Variants in MTHFD2L observed in about 807,000 individuals in gnomAD.
The protein encoded by MTHFD2L is bifunctional methylenetetrahydrofolate dehydrogenase/cyclohydrolase 2, mitochondrial.
MTHFD2L carries 29 observed loss-of-function variants against 34.9 expected under a neutral mutation model. The ratio of observed to expected loss-of-function variants is 0.83; its 90% CI spans 0.62 to 1.13. The LOEUF (loss-of-function observed/expected upper bound fraction) is 1.13, where lower values mean the gene tolerates loss of function less well. MTHFD2L is among the 50% of genes most tolerant of loss of function. The pLI is 0.00. For synonymous variants in MTHFD2L, 167 were observed against 155.7 expected, an observed-to-expected ratio of 1.07 and a Z score of -0.54; for missense variants, 481 against 446.5, an observed-to-expected ratio of 1.08 and a Z score of -0.70.
chr4:74,193,534 A>G (rs959507093), intron 3 of MTHFD2L, among the ~76,000 whole-genome samples: 1 of 152,192 alleles, frequency 6.6e-6, no homozygotes, highest in Non-Finnish European at 1.5e-5. Context: ...GGGAATTGAC[A>G]TCTTACCATC....
At chr4:74,286,532 A>G (rs144269356) in intron 7 of MTHFD2L, among the ~76,000 whole-genome samples, 3 of 152,314 alleles carry the variant, frequency 2.0e-5, no homozygotes, top group Non-Finnish European at 4.4e-5. Context: ...GGAAAACAGT[A>G]TGTAGTCCTA....
At chr4:74,266,849 G>A (rs1415821192) in intron 6 of MTHFD2L, 1 of 985,156 alleles carries the variant, frequency 1.0e-6, no homozygotes, top group Non-Finnish European at 1.2e-6. Context: ...CTGCATAAGA[G>A]GGGAATACTA....
chr4:74,254,746 C>CT (rs1743780065), intron 6 of MTHFD2L, among the ~76,000 whole-genome samples: 1 of 151,992 alleles, frequency 6.6e-6, no homozygotes, highest in South Asian at 2.1e-4. Context: ...TCAACATACT[C>CT]TAATACTCTA....
intron 5 of MTHFD2L, among the ~76,000 whole-genome samples, chr4:74,216,594 T>A (rs1737250978): frequency 6.6e-6 from 1 of 151,814 alleles, no homozygotes; most frequent in Non-Finnish European, 1.5e-5. Context: ...ATAACCACTA[T>A]GCACTTGAGA....
intron 1 of MTHFD2L, 123 bp downstream of exon 1, chr4:74,158,404 C>T (rs777437929): frequency 5.5e-6 from 4 of 732,036 alleles, no homozygotes; most frequent in Non-Finnish European, 6.8e-6. Context: ...CGGGCTGGGT[C>T]GAGGACAGCC....
In MTHFD2L at chr4:74,158,131, C is replaced by T. The variant is rs967442595; in HGVS notation, c.-8C>T. The T allele has an allele frequency of 6.5e-7, 1 of 1,530,704 alleles. No homozygotes were observed. The highest frequency in any genetic ancestry group is 8.8e-7 in the Non-Finnish European group (1 of 1,141,618). The allele number at this position is 1,530,704 out of a possible 1,614,324, so 94.8% of individuals were successfully genotyped here. ...GAGCCCCAGTCCGGAAGCCGGGGAT[C>T]CGCGGCCATGACGGTGCCGGTCCGC... is the stretch of plus-strand genomic sequence containing the variant. On this transcript the variant is annotated 5_prime_UTR_variant, in exon 1 of 8. Transcript: ENST00000325278.
chr4:74,210,648 T>C (rs1285751716), intron 5 of MTHFD2L, among the ~76,000 whole-genome samples: 1 of 152,208 alleles, frequency 6.6e-6, no homozygotes, highest in Non-Finnish European at 1.5e-5. Flanking sequence ...TTTGTTCTTT[T>C]TGTTTAGGAT....
intron 1 of MTHFD2L, among the ~76,000 whole-genome samples, chr4:74,169,490 C>T (rs757499602): frequency 1.3e-5 from 2 of 152,300 alleles, no homozygotes; most frequent in East Asian, 1.9e-4. Context: ...CTATAAAATG[C>T]AAGACAGAGT....
At chr4:74,175,456 C>A (rs200562874) in intron 3 of MTHFD2L, 53 bp downstream of exon 3, 519 of 1,517,382 alleles carry the variant, frequency 3.4e-4, no homozygotes, top group Admixed American at 6.0e-4. Context: ...AAACAAAGGG[C>A]ATCTTTCAAC....
intron 1 of MTHFD2L, chr4:74,161,042 T>A (rs1371454065): frequency 6.6e-6 from 1 of 152,232 alleles, no homozygotes; most frequent in Non-Finnish European, 1.5e-5. Context: ...CTCTTTTTTG[T>A]CTTCATACTA....
intron 3 of MTHFD2L, among the ~76,000 whole-genome samples, chr4:74,175,965 CT>C (rs951422452): frequency 7.2e-5 from 11 of 151,930 alleles, no homozygotes; most frequent in Admixed American, 2.0e-4. Flanking sequence ...TTTTCTATGT[CT>C]TGGTGAATTG....
chr4:74,190,240 A>G lies in MTHFD2L; in HGVS notation c.452-9554A>G, dbSNP rs546106159. On this transcript the variant is annotated intron_variant, in intron 3 of 7. Coordinates refer to ENST00000325278, the MANE Select transcript of MTHFD2L (RefSeq NM_001144978.3). ...TACTGTATATTTGACAGAAGTTACCAAGGGCTCAATAAACCAAGGTGTCCT... is the reference window on the plus strand; with the variant it reads ...TACTGTATATTTGACAGAAGTTACCGAGGGCTCAATAAACCAAGGTGTCCT... Among the ~76,000 whole-genome samples the G allele has an allele frequency of 9.8e-5, 15 of 152,320 alleles. No individual in the cohort carries two copies. In the East Asian group the frequency reaches 2.7e-3, roughly 27 times the overall value.
chr4:74,119,464 T>A (rs549320244), upstream of MTHFD2L, among the ~76,000 whole-genome samples: 4 of 152,222 alleles, frequency 2.6e-5, no homozygotes, highest in South Asian at 8.3e-4. Flanking sequence ...ACTCTAAGAC[T>A]GCCAACAAAA....
chr4:74,239,348 C>T (rs1453577848), intron 6 of MTHFD2L, among the ~76,000 whole-genome samples: 1 of 151,846 alleles, frequency 6.6e-6, no homozygotes, highest in African/African-American at 2.4e-5. Context: ...TTTGGGGGGG[C>T]AGAGGGAGAG....
intron 5 of MTHFD2L, among the ~76,000 whole-genome samples, chr4:74,224,744 GT>G (rs1022875762): frequency 1.1e-4 from 16 of 152,212 alleles, no homozygotes; most frequent in African/African-American, 3.4e-4. Context: ...AAGTTGGTTA[GT>G]TTTTTCCTGC....
At chr4:74,275,707 T>C (rs1003949837) in intron 6 of MTHFD2L, among the ~76,000 whole-genome samples, 1 of 145,886 alleles carries the variant, frequency 6.9e-6, no homozygotes, top group Non-Finnish European at 1.5e-5. Context: ...GATGTTGAGC[T>C]TTTTTTTTTT....
chr4:74,128,967 T>C (rs1722274539), intron 1 of MTHFD2L, among the ~76,000 whole-genome samples: 1 of 152,106 alleles, frequency 6.6e-6, no homozygotes, highest in Non-Finnish European at 1.5e-5. Flanking sequence ...GTTCTGAGAC[T>C]CTTCTCTTCC....
intron 1 of MTHFD2L, among the ~76,000 whole-genome samples, chr4:74,134,424 A>C (rs1722761793): frequency 6.6e-6 from 1 of 152,134 alleles, no homozygotes; most frequent in African/African-American, 2.4e-5. Flanking sequence ...GTCAAGGTAA[A>C]CATAGGCTTA....
intron 5 of MTHFD2L, among the ~76,000 whole-genome samples, chr4:74,222,260 T>C (rs1246610308): frequency 1.3e-5 from 2 of 149,380 alleles, no homozygotes; most frequent in Non-Finnish European, 2.9e-5. Flanking sequence ...TAGCAGAATA[T>C]CACAGACTGG....
Sources: gnomAD v4.1 joint callset for allele counts (sites outside exome capture counted in the v4.1 genomes callset) on GRCh38, gnomAD v4.1.1 for gene constraint, MANE v1.5 for transcripts, NCBI Gene and HGNC (gene_info 2026-07-23, HGNC 2026-07-21) for gene names.